KCNH1: variants seen among roughly 807,000 people sequenced by gnomAD.
The protein encoded by KCNH1 is voltage-gated delayed rectifier potassium channel KCNH1.
A neutral mutation model predicts 69.2 loss-of-function variants in KCNH1; 27 were observed. The observed-to-expected ratio is 0.39, with a 90% CI of 0.29 to 0.54. KCNH1 has a LOEUF of 0.54. Ranked by LOEUF, KCNH1 falls within the 20% of genes least tolerant of loss-of-function variation. The probability of loss-of-function intolerance (pLI) is 0.68; values close to 1 mark genes in which losing one functional copy is unlikely to be tolerated. For synonymous variants in KCNH1, 456 were observed against 487.7 expected, an observed-to-expected ratio of 0.93 and a Z score of 0.86; for missense variants, 798 against 1,261.6, an observed-to-expected ratio of 0.63 and a Z score of 5.57.
chr1:210,872,264 T>C (rs1257580399), intron 7 of KCNH1, among the ~76,000 whole-genome samples: 1 of 151,908 alleles, frequency 6.6e-6, no homozygotes, highest in East Asian at 1.9e-4. Flanking sequence ...TAATGATGAT[T>C]AAAATGGTCT....
At chr1:210,860,727 G>A (rs1685959849) in intron 7 of KCNH1, 1 of 781,062 alleles carries the variant, frequency 1.3e-6, no homozygotes, top group South Asian at 1.4e-5. Context: ...GAAGGACAAT[G>A]GCAGCTTCCA....
At chr1:210,899,490 GATAT>G (rs34889899) in intron 7 of KCNH1, among the ~76,000 whole-genome samples, 167 of 150,650 alleles carry the variant, frequency 1.1e-3, no homozygotes, top group African/African-American at 4.0e-3. Flanking sequence ...TCACTTATGA[GATAT>G]ATATATATAT....
chr1:210,708,173 G>A (rs1285953078), intron 10 of KCNH1, among the ~76,000 whole-genome samples: 1 of 152,074 alleles, frequency 6.6e-6, no homozygotes, highest in Non-Finnish European at 1.5e-5. Flanking sequence ...CACCCTTTCT[G>A]GAGCCCATTT....
In KCNH1 at chr1:210,819,514, C is replaced by T. The variant is rs180931123; in HGVS notation, c.1463-15348G>A. On this transcript the variant is annotated intron_variant, in intron 7 of 10. Coordinates refer to ENST00000271751, the MANE Select transcript of KCNH1 (RefSeq NM_172362.3). ...ACCAGCTTCCTGCCCTGAATTACTG[C>T]GGCTCCAAGGCAATCACGGCTATCC... 2.9e-3 allele frequency among the ~76,000 whole-genome samples: 443 copies of T among 151,938 alleles called. 1 individual carries two copies. Among genetic ancestry groups the T allele is most frequent in the African/African-American group, 0.01 (421 of 41,436 alleles).
chr1:210,898,753 T>C (rs890663633), intron 7 of KCNH1, among the ~76,000 whole-genome samples: 1 of 151,616 alleles, frequency 6.6e-6, no homozygotes, highest in Non-Finnish European at 1.5e-5. Context: ...TGTAGCCAGG[T>C]CTAAGCGACT....
At chr1:211,096,078 T>TA (rs59192858) in intron 3 of KCNH1, among the ~76,000 whole-genome samples, 15,353 of 151,816 alleles carry the variant, frequency 0.1, 1,091 homozygotes, top group Non-Finnish European at 0.14. Flanking sequence ...TTTATTTATT[T>TA]TTTGAGATGG....
chr1:211,059,800 G>C (rs546717974), intron 5 of KCNH1, among the ~76,000 whole-genome samples: 76 of 152,166 alleles, frequency 5.0e-4, no homozygotes, highest in Admixed American at 4.8e-3. Context: ...ATAATAGCTA[G>C]AGACTTCTAC....
intron 10 of KCNH1, among the ~76,000 whole-genome samples, chr1:210,763,655 AC>A (rs1166452116): frequency 6.6e-6 from 1 of 152,112 alleles, no homozygotes; most frequent in Non-Finnish European, 1.5e-5. Context: ...AATACATCTA[AC>A]CAAGCAAGTA....
At chr1:210,896,291 G>A (rs1261059890) in intron 7 of KCNH1, among the ~76,000 whole-genome samples, 1 of 151,530 alleles carries the variant, frequency 6.6e-6, no homozygotes, top group African/African-American at 2.4e-5. Context: ...CAATGTACGG[G>A]ATCTTTAAAA....
At chr1:210,760,058 C>T (rs997975705) in intron 10 of KCNH1, among the ~76,000 whole-genome samples, 1 of 152,138 alleles carries the variant, frequency 6.6e-6, no homozygotes, top group Non-Finnish European at 1.5e-5. Flanking sequence ...TTGCACACTC[C>T]TTACGAGATG....
intron 6 of KCNH1, among the ~76,000 whole-genome samples, chr1:210,992,865 A>C (rs150036079): frequency 0.012 from 1,841 of 152,342 alleles, 16 homozygotes; most frequent in Middle Eastern, 0.034. Flanking sequence ...AATAGCCCCA[A>C]ATGGATCTGC....
intron 7 of KCNH1, among the ~76,000 whole-genome samples, chr1:210,805,587 CT>C (rs1270804797): frequency 2.0e-5 from 3 of 152,078 alleles, no homozygotes; most frequent in Non-Finnish European, 4.4e-5. Context: ...TTTTTAACAT[CT>C]TTTATTAAGA....
intron 5 of KCNH1, among the ~76,000 whole-genome samples, chr1:211,080,501 T>C (rs529663877): frequency 6.6e-6 from 1 of 152,242 alleles, no homozygotes; most frequent in East Asian, 1.9e-4. Flanking sequence ...AAAGAGCCCA[T>C]ATTGCCAAGA....
chr1:210,786,507 C>T (rs1156700125), intron 9 of KCNH1, among the ~76,000 whole-genome samples: 3 of 152,110 alleles, frequency 2.0e-5, no homozygotes, highest in Non-Finnish European at 4.4e-5. Context: ...AAATCCATCT[C>T]GGGCTCCTAT....
chr1:210,724,890 A>G (rs779190477), intron 10 of KCNH1, among the ~76,000 whole-genome samples: 1 of 152,156 alleles, frequency 6.6e-6, no homozygotes, highest in African/African-American at 2.4e-5. Context: ...GGATTGAAAC[A>G]TCTTCTGCTG....
chr1:210,868,409 G>T (rs117752437), intron 7 of KCNH1, among the ~76,000 whole-genome samples: 1 of 130,724 alleles, frequency 7.6e-6, no homozygotes, highest in African/African-American at 2.9e-5. Flanking sequence ...TAGTGCCTTT[G>T]ATAAAGTCTA....
chr1:210,994,437 T>C (rs2102392328), intron 6 of KCNH1, among the ~76,000 whole-genome samples: 1 of 152,288 alleles, frequency 6.6e-6, no homozygotes, highest in South Asian at 2.1e-4. Flanking sequence ...AACATAAAAA[T>C]ATTTTGGTTT....
intron 7 of KCNH1, among the ~76,000 whole-genome samples, chr1:210,856,721 T>TCAAGA (rs769300179): frequency 0.01 from 1,548 of 148,840 alleles, 13 homozygotes; most frequent in South Asian, 0.018. Flanking sequence ...GTAATGGTTC[T>TCAAGA]TACCCAGAGG....
At chr1:210,718,652 ACACACACACACAC>A (rs1682368073) in intron 10 of KCNH1, among the ~76,000 whole-genome samples, 1 of 16,242 alleles carries the variant, frequency 6.2e-5, no homozygotes, top group African/African-American at 1.4e-3. Context: ...ATATATATAT[ACACACACACACAC>A]ACACACACAC....
Sources: gnomAD v4.1 joint callset for allele counts (sites outside exome capture counted in the v4.1 genomes callset) on GRCh38, gnomAD v4.1.1 for gene constraint, MANE v1.5 for transcripts, NCBI Gene and HGNC (gene_info 2026-07-23, HGNC 2026-07-21) for gene names.